NCKAP1L: variants seen among roughly 807,000 people sequenced by gnomAD.
NCKAP1L encodes NCK associated protein 1 like.
A neutral mutation model predicts 139.2 loss-of-function variants in NCKAP1L; 53 were observed. That is an observed-to-expected ratio of 0.38 (90% confidence interval 0.31 to 0.48). The LOEUF (loss-of-function observed/expected upper bound fraction) is 0.48. NCKAP1L is among the 20% of genes least tolerant of loss of function. NCKAP1L has a pLI of 0.98. For synonymous variants in NCKAP1L, 468 were observed against 499.7 expected (o/e 0.94, Z 0.85); for missense variants, 1,151 against 1,381.9 (o/e 0.83, Z 2.65).
chr12:54,523,241 C>G (rs1283882198), intron 18 of NCKAP1L, among the ~76,000 whole-genome samples, 153 bp from the exon 19 acceptor site: 1 of 151,976 alleles, frequency 6.6e-6, no homozygotes. Flanking sequence ...CTGAATAGGC[C>G]CCCATTAAAG....
At chr12:54,508,995 C>T (rs1956864464) in intron 5 of NCKAP1L, among the ~76,000 whole-genome samples, 1 of 152,236 alleles carries the variant, frequency 6.6e-6, no homozygotes, top group African/African-American at 2.4e-5. Flanking sequence ...ATTTTTAATC[C>T]TGGACTGGCT....
At chr12:54,539,674 G>A (rs1005746723) in intron 30 of NCKAP1L, among the ~76,000 whole-genome samples, 4 of 152,180 alleles carry the variant, frequency 2.6e-5, no homozygotes, top group Admixed American at 6.5e-5. Context: ...GACAGGAAGG[G>A]CTTTTGCCCT....
rs1269644418 is a variant in NCKAP1L, at chr12:54,519,197, G to C, written c.1490G>C (p.Ser497Thr). The change falls in exon 16 of 31, where the codon AGC becomes ACC. Residue 497 changes from serine to threonine, a missense_variant. By Grantham distance (58) the Ser-to-Thr change is moderately conservative (BLOSUM62 1). Transcript: ENST00000293373. ...LDWFRLQAYT[S>T]VAKAPLHLHE... ...CAACTCCAACCGCAGGCATACACTA[G>C]CGTGGCTAAGGCCCCTCTGCACCTG... The C allele has an allele frequency of 3.2e-6, 5 of 1,564,252 alleles. No individual in the cohort carries two copies. The highest frequency in any genetic ancestry group is 4.3e-6 in the Non-Finnish European group (5 of 1,163,126).
intron 16 of NCKAP1L, 146 bp from the exon 17 acceptor site, chr12:54,520,548 G>C: frequency 1.1e-5 from 9 of 798,578 alleles, no homozygotes; most frequent in Non-Finnish European, 1.7e-5. Context: ...GGTAAATATC[G>C]GTAAATGTTT....
chr12:54,526,034 T>C (rs1307678758), intron 20 of NCKAP1L, among the ~76,000 whole-genome samples: 2 of 152,206 alleles, frequency 1.3e-5, no homozygotes, highest in African/African-American at 4.8e-5. Context: ...TGGCGTGCCA[T>C]GGCTACTCAG....
At position 54,521,186 on chromosome 12, in the gene NCKAP1L, C is replaced by A; in HGVS notation, c.1826C>A (p.Thr609Asn). Residue 609 changes from threonine (T) to asparagine (N), a missense_variant, in exon 18 of 31, where the codon ACC becomes AAC. Thr to Asn is a moderately conservative substitution (Grantham distance 65). Transcript: ENST00000293373. ...NSFLEELAKQ[T>N]SNCVLEICAE... is the part of the protein sequence containing the mutation. ...TTCCTGGAAGAGTTGGCCAAGCAGA[C>A]CAGCAATTGCGTCCTGGAGATCTGT... The A allele has an allele frequency of 6.2e-7, 1 of 1,614,134 alleles. No homozygotes were observed. The highest frequency in any genetic ancestry group is 8.5e-7 in the Non-Finnish European group (1 of 1,180,022).
At chr12:54,539,314 T>C (rs1957139200) in intron 30 of NCKAP1L, among the ~76,000 whole-genome samples, 1 of 152,200 alleles carries the variant, frequency 6.6e-6, no homozygotes. Flanking sequence ...TGGTTTCACT[T>C]GACAATTTTC....
Position 54,531,229 on chromosome 12 carries a change from C to T in NCKAP1L, c.2507-31C>T, listed in dbSNP as rs759337332. ...ACAAATACTCCAGTGCCTTCTGAGTCCCATCTGGGGCCTCTGTAACTCTGT... is the reference window on the plus strand; with the variant it reads ...ACAAATACTCCAGTGCCTTCTGAGTTCCATCTGGGGCCTCTGTAACTCTGT... On this transcript the variant is annotated intron_variant, in intron 22 of 30. Coordinates refer to ENST00000293373, the MANE Select transcript of NCKAP1L (RefSeq NM_005337.5). The T allele has an allele frequency of 3.9e-6, 6 of 1,543,578 alleles. No homozygotes were observed. In the African/African-American group the frequency reaches 6.8e-5, roughly 18 times the overall value.
chr12:54,497,947 A>G (rs762823649), intron 1 of NCKAP1L, 56 bp downstream of exon 1: 50 of 1,147,402 alleles, frequency 4.4e-5, no homozygotes, highest in Non-Finnish European at 6.3e-5. Context: ...AGGGCAGGGA[A>G]CCCTGAGGCG....
chr12:54,517,474 T>C, intron 11 of NCKAP1L, 59 bp from the exon 12 acceptor site: 2 of 1,100,366 alleles, frequency 1.8e-6, no homozygotes, highest in Non-Finnish European at 2.8e-6. Context: ...TAGTTTACTC[T>C]GTGCTTTGAA....
chr12:54,535,157 T>C lies in NCKAP1L; in HGVS notation c.2916T>C (p.Ile972=), dbSNP rs370841139. 2.1e-5 allele frequency: 34 copies of C among 1,613,768 alleles called. No individual in the cohort carries two copies. In the African/African-American group the frequency reaches 4.5e-4, roughly 22 times the overall value. ...LASAAGVGCD[I]DPALVAAIAN... ...CTGCTGCAGGTGTGGGCTGTGACAT[T>C]GACCCAGCCTTGGTGGCTGCCATTG... Residue 972 remains isoleucine (I), a synonymous_variant, in exon 27 of 31, where the codon ATT becomes ATC. Transcript: ENST00000293373.
At chr12:54,513,808 T>TAG (rs1956907516) in intron 9 of NCKAP1L, among the ~76,000 whole-genome samples, 1 of 152,008 alleles carries the variant, frequency 6.6e-6, no homozygotes, top group South Asian at 2.1e-4. Context: ...AAGGGAAGAA[T>TAG]AGAGAGAGGT....
At position 54,497,850 on chromosome 12, in the gene NCKAP1L, C is replaced by G; in HGVS notation, c.61C>G (p.Arg21Gly). The G allele has an allele frequency of 1.9e-6, 3 of 1,613,244 alleles. 1 individual carries two copies. Among genetic ancestry groups the G allele is most frequent in the South Asian group, 2.2e-5 (2 of 91,072 alleles). Residue 21 changes from arginine (R) to glycine (G), a missense_variant, in exon 1 of 31, where the codon CGC becomes GGC. Transcript: ENST00000293373. ...LAEKLTILND[R>G]GQGVLIRMYN... ...AGAGAAGCTCACTATCCTGAATGAT[C>G]GCGGTCAGGGGGTTCTCATCCGTAT...
intron 14 of NCKAP1L, 75 bp downstream of exon 14, chr12:54,518,807 A>C: frequency 1.3e-6 from 2 of 1,525,482 alleles, no homozygotes; most frequent in Non-Finnish European, 1.8e-6. Context: ...TTGATCTTTG[A>C]GCCAGGAAGT....
At chr12:54,501,986 T>C (rs190590141) in intron 3 of NCKAP1L, among the ~76,000 whole-genome samples, 1 of 152,326 alleles carries the variant, frequency 6.6e-6, no homozygotes, top group East Asian at 1.9e-4. Context: ...TTGCTAATGA[T>C]TAGTGATAAT....
Position 54,528,385 on chromosome 12 carries a change from C to G in NCKAP1L, c.2506+8C>G. The stretch of plus-strand genomic sequence containing the variant: ...AGTTCTCTGACATCTCTGGTGAGCT[C>G]AGGGCCTGGTCTTCTTGTCAAGGAG... On this transcript the variant is annotated splice_region_variant and intron_variant, in intron 22 of 30. Transcript: ENST00000293373. 1 of 1,612,864 alleles carries G rather than the reference C, an allele frequency of 6.2e-7. No homozygotes were observed. The highest frequency in any genetic ancestry group is 1.7e-4 in the Middle Eastern group (1 of 5,780).
At position 54,531,358 on chromosome 12, in the gene NCKAP1L, G is replaced by T; in HGVS notation, c.2604+1G>T. On this transcript the variant is annotated splice_donor_variant, in intron 23 of 30. Transcript: ENST00000293373. LOFTEE classifies it high-confidence loss of function. Reference sequence around the variant, plus strand: ...GACCTCTCAGATTGTGGAGCTGAAGGTACTATGGAAACAATCCCTTGGGGA... The same window carrying T: ...GACCTCTCAGATTGTGGAGCTGAAGTTACTATGGAAACAATCCCTTGGGGA... The T allele has an allele frequency of 6.2e-7, 1 of 1,613,966 alleles. No homozygotes were observed. Among genetic ancestry groups the T allele is most frequent in the Non-Finnish European group, 8.5e-7 (1 of 1,179,888 alleles).
chr12:54,533,536 A>G (rs189026073), intron 26 of NCKAP1L, among the ~76,000 whole-genome samples: 5 of 152,190 alleles, frequency 3.3e-5, no homozygotes, highest in Admixed American at 6.5e-5. Flanking sequence ...CTGTATCAGT[A>G]CCACAGCAAA....
chr12:54,512,191 A>G (rs1956894510), intron 9 of NCKAP1L, 86 bp downstream of exon 9: 1 of 1,390,060 alleles, frequency 7.2e-7, no homozygotes, highest in African/African-American at 1.4e-5. Context: ...AAGTGTTCCC[A>G]GATATAGGTG....
Sources: allele counts gnomAD v4.1 joint callset (sites outside exome capture counted in the v4.1 genomes callset), GRCh38; gene constraint gnomAD v4.1.1; transcripts MANE v1.5; gene names NCBI Gene and HGNC (gene_info 2026-07-23, HGNC 2026-07-21).